The following TSGA13 variants were observed in gnomAD, a reference collection of about 807,000 sequenced individuals.
TSGA13 encodes the protein testis-specific gene 13 protein.
In TSGA13, 37 loss-of-function variants were observed where a neutral mutation model predicts 35.1. That is an observed-to-expected ratio of 1.05 (90% CI 0.81 to 1.39). The LOEUF is 1.39. Among genes scored for constraint, TSGA13 ranks in the 40% most tolerant of loss-of-function variants. TSGA13 has a pLI of 0.00. For missense variants in TSGA13, 338 were observed against 328.5 expected (o/e 1.03, Z -0.22); for synonymous variants, 124 against 121.2 (o/e 1.02, Z -0.15).
At chr7:130,669,492 T>G (rs1554462598) in intron 7 of TSGA13, among the ~76,000 whole-genome samples, 2 of 152,240 alleles carry the variant, frequency 1.3e-5, no homozygotes. Context: ...CATTCATTCC[T>G]AACTCATGTT....
intron 7 of TSGA13, 117 bp from the exon 8 acceptor site, chr7:130,669,300 G>T: frequency 7.9e-7 from 1 of 1,269,830 alleles, no homozygotes; most frequent in Non-Finnish European, 1.1e-6. Flanking sequence ...TCTTTAGAGG[G>T]TAGATTTTGG....
In TSGA13 at chr7:130,668,882, G is replaced by A. The variant is rs1401668252; in HGVS notation, c.*132C>T. On this transcript the variant is annotated 3_prime_UTR_variant, in exon 8 of 8. Coordinates refer to ENST00000356588, the MANE Select transcript of TSGA13 (RefSeq NM_052933.4). ...CCTCTTGCGGCCCGCCGGAGACTTC[G>A]GCTCGACCCTCCCGGCTTGCGACCC... 7.1e-7 allele frequency: 1 copy of A among 1,415,426 alleles called. No individual in the cohort carries two copies. Among genetic ancestry groups the A allele is most frequent in the East Asian group, 2.4e-5 (1 of 41,332 alleles). The allele number at this position is 1,415,426 out of a possible 1,614,324, so 87.7% of individuals were successfully genotyped here.
chr7:130,668,714 C>A lies in TSGA13; in HGVS notation c.*300G>T, dbSNP rs369903425. ...CCAGACCCACCGCAACCGTCCCAGGCGCCGCAGCCGGCGAGCGGAAGAGGC... is the reference window on the plus strand; with the variant it reads ...CCAGACCCACCGCAACCGTCCCAGGAGCCGCAGCCGGCGAGCGGAAGAGGC... On this transcript the variant is annotated 3_prime_UTR_variant, in exon 8 of 8. Coordinates refer to ENST00000356588, the MANE Select transcript of TSGA13 (RefSeq NM_052933.4). 23 of 1,508,826 alleles carry A rather than the reference C, an allele frequency of 1.5e-5. No individual in the cohort carries two copies. The highest frequency in any genetic ancestry group is 2.9e-5 in the East Asian group (1 of 34,904). The allele number at this position is 1,508,826 out of a possible 1,614,324, so 93.5% of individuals were successfully genotyped here. A position where few individuals can be genotyped will look rare whatever the true frequency, so the allele number is the denominator to read the frequency against.
rs554439852 is a variant in TSGA13, at chr7:130,669,230, A to G, written c.659-47T>C. 1.9e-6 allele frequency: 3 copies of G among 1,611,244 alleles called. No homozygotes were observed. The South Asian group carries it at 3.3e-5, about 18-fold the overall frequency. ...CTGGTGAATGTGGCTTTTCAGAAGTACTCGAAGGATACTTAATGTGAGATG... is the reference window on the plus strand; with the variant it reads ...CTGGTGAATGTGGCTTTTCAGAAGTGCTCGAAGGATACTTAATGTGAGATG... On this transcript the variant is annotated intron_variant, in intron 7 of 7. Transcript: ENST00000356588.
chr7:130,673,615 A>G (rs1195171878), intron 5 of TSGA13, among the ~76,000 whole-genome samples: 1 of 152,218 alleles, frequency 6.6e-6, no homozygotes, highest in East Asian at 1.9e-4. Context: ...TGTCTCTTCC[A>G]GGCTAAACAT....
intron 6 of TSGA13, 116 bp downstream of exon 6, chr7:130,672,618 C>T (rs1796303881): frequency 1.4e-6 from 2 of 1,393,210 alleles, no homozygotes; most frequent in African/African-American, 1.5e-5. Flanking sequence ...AAAGTCGTGT[C>T]TTACTATCTT....
At chr7:130,679,500 G>GT in intron 4 of TSGA13, 133 bp from the exon 5 acceptor site, 3 of 809,776 alleles carry the variant, frequency 3.7e-6, no homozygotes, top group Non-Finnish European at 1.9e-6. Flanking sequence ...AATCTGTAGG[G>GT]TTTTTTGGTT....
intron 4 of TSGA13, 73 bp from the exon 5 acceptor site, chr7:130,679,440 A>G: frequency 7.6e-7 from 1 of 1,308,460 alleles, no homozygotes; most frequent in Admixed American, 2.2e-5. Flanking sequence ...CGGTTGGCTG[A>G]TACTTAGCCT....
At chr7:130,671,485 C>T (rs922222366) in intron 7 of TSGA13, among the ~76,000 whole-genome samples, 176 bp downstream of exon 7, 2 of 152,104 alleles carry the variant, frequency 1.3e-5, no homozygotes, top group Non-Finnish European at 2.9e-5. Context: ...AAACAGGGTC[C>T]AGAGCTTTGC....
chr7:130,683,703 T>C (rs1796598419), intron 2 of TSGA13, 31 bp from the exon 3 acceptor site: 2 of 1,607,590 alleles, frequency 1.2e-6, no homozygotes, highest in Non-Finnish European at 8.5e-7. Context: ...CCGGTTGCAC[T>C]TTCTGGCTCA....
chr7:130,679,397 A>G (rs1554464734), intron 4 of TSGA13, 30 bp from the exon 5 acceptor site: 3 of 1,566,548 alleles, frequency 1.9e-6, no homozygotes, highest in Non-Finnish European at 2.6e-6. Context: ...TCCAGAGAGA[A>G]AAAGAGATTA....
chr7:130,683,746 C>T (rs1796599221), intron 2 of TSGA13, 74 bp from the exon 3 acceptor site: 5 of 1,415,590 alleles, frequency 3.5e-6, no homozygotes, highest in East Asian at 2.3e-5. Context: ...GTCAGTCTCC[C>T]TCAACAAAGT....
intron 5 of TSGA13, among the ~76,000 whole-genome samples, chr7:130,677,044 T>C (rs1406878252): frequency 5.3e-5 from 8 of 151,456 alleles, no homozygotes; most frequent in African/African-American, 1.9e-4. Context: ...AGGCGCCCGC[T>C]ACCACGCCCG....
At chr7:130,684,910 A>G (rs1192089087) in intron 2 of TSGA13, among the ~76,000 whole-genome samples, 2 of 152,086 alleles carry the variant, frequency 1.3e-5, no homozygotes, top group Non-Finnish European at 2.9e-5. Context: ...AATCCCGGAT[A>G]CTCTTCTTCA....
chr7:130,676,178 G>C (rs1554464086), intron 5 of TSGA13, among the ~76,000 whole-genome samples: 1 of 152,224 alleles, frequency 6.6e-6, no homozygotes, highest in Non-Finnish European at 1.5e-5. Context: ...GTTTACAAAA[G>C]ATTATCACAT....
chr7:130,683,716 G>A (rs782597203), intron 2 of TSGA13, 44 bp from the exon 3 acceptor site: 1 of 1,572,764 alleles, frequency 6.4e-7, no homozygotes, highest in African/African-American at 1.4e-5. Flanking sequence ...CTGGCTCAGA[G>A]GCCTGGACTT....
rs558762053 is a variant in TSGA13, at chr7:130,677,230, C to T, written c.387+1925G>A. ...TAAATATCTCATAATTAAATTTTCT[C>T]TACTTCCTCTGCTAATGATTTAGTT... On this transcript the variant is annotated intron_variant, in intron 5 of 7. Transcript: ENST00000356588. 3.9e-5 allele frequency among the ~76,000 whole-genome samples: 6 copies of T among 152,166 alleles called. No homozygotes were observed. The East Asian group carries it at 1.2e-3, about 30-fold the overall frequency.
chr7:130,684,992 GGTGC>G (rs1796629595), intron 2 of TSGA13, among the ~76,000 whole-genome samples, 192 bp downstream of exon 2: 1 of 152,060 alleles, frequency 6.6e-6, no homozygotes, highest in Non-Finnish European at 1.5e-5. Context: ...GGAACAAGCT[GGTGC>G]TTTCTTTTTG....
At chr7:130,671,509 C>G (rs1554462946) in intron 7 of TSGA13, 152 bp downstream of exon 7, 5 of 838,448 alleles carry the variant, frequency 6.0e-6, no homozygotes, top group Non-Finnish European at 6.7e-6. Flanking sequence ...TTTTGAGCCT[C>G]TATTTGTTGT....
Sources: gnomAD v4.1 joint callset for allele counts (sites outside exome capture counted in the v4.1 genomes callset) on GRCh38, gnomAD v4.1.1 for gene constraint, MANE v1.5 for transcripts, NCBI Gene and HGNC (gene_info 2026-07-23, HGNC 2026-07-21) for gene names.